Variants in AHI1 observed in about 807,000 individuals in gnomAD.
AHI1 encodes jouberin.
In AHI1, 123 loss-of-function variants were observed where a neutral mutation model predicts 149.3. The observed-to-expected ratio is 0.82, with a 90% CI of 0.71 to 0.96. AHI1 has a LOEUF of 0.96. Ranked by LOEUF, AHI1 falls within the 40% of genes least tolerant of loss-of-function variation. The pLI is 0.00. For missense variants in AHI1, 1,439 were observed against 1,422.7 expected (o/e 1.01, Z -0.18); for synonymous variants, 475 against 459.8 (o/e 1.03, Z -0.42).
At chr6:135,324,328 TA>T (rs1286425112) in intron 24 of AHI1, among the ~76,000 whole-genome samples, 3 of 149,352 alleles carry the variant, frequency 2.0e-5, no homozygotes, top group Admixed American at 6.7e-5. Flanking sequence ...ACCTTGTCTC[TA>T]AAAAAAAAGA....
At chr6:135,307,101 T>TA (rs1301724152) in intron 26 of AHI1, 5 of 152,032 alleles carry the variant, frequency 3.3e-5, no homozygotes, top group African/African-American at 7.3e-5. Context: ...GTAAGAGAGG[T>TA]AAAAAGAGAA....
At chr6:135,339,341 G>C (rs752169979) in intron 24 of AHI1, among the ~76,000 whole-genome samples, 7 of 152,112 alleles carry the variant, frequency 4.6e-5, no homozygotes, top group Non-Finnish European at 7.4e-5. Flanking sequence ...ATAGTTAACA[G>C]AATTGCTTCT....
intron 23 of AHI1, among the ~76,000 whole-genome samples, chr6:135,390,739 A>G (rs1778371287): frequency 6.6e-6 from 1 of 152,230 alleles, no homozygotes; most frequent in Non-Finnish European, 1.5e-5. Flanking sequence ...TTGAGGTCCC[A>G]GAAGCTCTAA....
intron 5 of AHI1, among the ~76,000 whole-genome samples, chr6:135,470,092 T>A (rs1400061003): frequency 4.6e-5 from 7 of 152,058 alleles, no homozygotes; most frequent in African/African-American, 1.7e-4. Flanking sequence ...ATATCCAGAA[T>A]CTATAAGGAA....
rs187524168 is a variant in AHI1, at chr6:135,345,748, A to C, written c.3165+12384T>G. Among the ~76,000 whole-genome samples, 140 of 152,304 alleles carry C rather than the reference A, an allele frequency of 9.2e-4. 1 individual carries two copies. The highest frequency in any genetic ancestry group is 1.6e-3 in the Non-Finnish European group (107 of 68,026). On this transcript the variant is annotated intron_variant, in intron 24 of 28. Transcript: ENST00000265602. Reference sequence around the variant, plus strand: ...ATTAGATAGAGGTGATGGCTGCAAAACTATAAATATATTAAAACCCACTGA... The same window carrying C: ...ATTAGATAGAGGTGATGGCTGCAAACCTATAAATATATTAAAACCCACTGA...
intron 5 of AHI1, among the ~76,000 whole-genome samples, chr6:135,467,849 A>T (rs1004175619): frequency 4.6e-5 from 7 of 152,228 alleles, no homozygotes; most frequent in Admixed American, 2.6e-4. Flanking sequence ...CTTCAGATTA[A>T]CATTTTGGAT....
Position 135,339,963 on chromosome 6 carries a change from T to C in AHI1, c.3166-16639A>G, listed in dbSNP as rs149690691. On this transcript the variant is annotated intron_variant, in intron 24 of 28. Coordinates refer to ENST00000265602, the MANE Select transcript of AHI1 (RefSeq NM_001134831.2). ...TTCTCAATAAGATTAACAGTAGATA[T>C]CTCATAAAAAAATGTGAAGGCCAGA... 5.3e-3 allele frequency among the ~76,000 whole-genome samples: 813 copies of C among 152,212 alleles called. 10 individuals carry two copies. The highest frequency in any genetic ancestry group is 0.017 in the African/African-American group (724 of 41,518).
At chr6:135,295,784 T>G (rs918360286) in intron 27 of AHI1, among the ~76,000 whole-genome samples, 10 of 152,228 alleles carry the variant, frequency 6.6e-5, no homozygotes, top group Non-Finnish European at 1.3e-4. Context: ...GGTATGCTCA[T>G]TACCTTAATT....
rs745496007 is a variant in AHI1, at chr6:135,387,932, T to C, written c.3109+6844A>G. The stretch of plus-strand genomic sequence containing the variant: ...ACTACCTAACAAAACAGTTAGGAAG[T>C]GGTGGGATCCCAGGTCGGCTCAGTT... On this transcript the variant is annotated intron_variant, in intron 23 of 28. Transcript: ENST00000265602. 3.7e-6 allele frequency: 6 copies of C among 1,610,854 alleles called. No individual in the cohort carries two copies. The African/African-American group carries it at 8.0e-5, about 22-fold the overall frequency.
At chr6:135,300,382 C>A in intron 27 of AHI1, 118 bp downstream of exon 27, 16 of 959,798 alleles carry the variant, frequency 1.7e-5, no homozygotes, top group South Asian at 4.7e-5. Context: ...TTAAAATCAA[C>A]TATCTGAAAT....
chr6:135,449,038 C>T (rs547130802), intron 11 of AHI1, among the ~76,000 whole-genome samples: 5 of 152,154 alleles, frequency 3.3e-5, no homozygotes, highest in South Asian at 2.1e-4. Flanking sequence ...TTTAAGCTAA[C>T]TAAATGGAGG....
rs544536633 is a variant in AHI1 at position 135,364,737 on chromosome 6, C to T, written c.3110-6550G>A. Among the ~76,000 whole-genome samples, 1,499 of 152,268 alleles carry T rather than the reference C, an allele frequency of 9.8e-3. 22 individuals are homozygous for T. Among genetic ancestry groups the T allele is most frequent in the African/African-American group, 0.034 (1,397 of 41,548 alleles). Reference sequence around the variant, plus strand: ...AATCCCCGTCTCCACCAAAAAAATACGAAAACCAGTCAGGCGTGGCGGCGC... The same window carrying T: ...AATCCCCGTCTCCACCAAAAAAATATGAAAACCAGTCAGGCGTGGCGGCGC... On this transcript the variant is annotated intron_variant, in intron 23 of 28. Coordinates refer to ENST00000265602, the MANE Select transcript of AHI1 (RefSeq NM_001134831.2).
intron 24 of AHI1, among the ~76,000 whole-genome samples, chr6:135,336,333 A>C (rs1204458751): frequency 1.3e-5 from 2 of 152,034 alleles, no homozygotes; most frequent in African/African-American, 4.8e-5. Flanking sequence ...GTGGTGGCTC[A>C]CACTTGTAAA....
chr6:135,299,501 T>C (rs959086144), intron 27 of AHI1, among the ~76,000 whole-genome samples: 3 of 152,210 alleles, frequency 2.0e-5, no homozygotes, highest in Admixed American at 6.5e-5. Context: ...GAGGGTATGA[T>C]AGCTAAGCTG....
At position 135,283,808 on chromosome 6, in the gene AHI1, T is replaced by G. The variant is rs1781464173; in HGVS notation, c.*1837A>C. 6.6e-6 allele frequency: 1 copy of G among 152,226 alleles called. No individual in the cohort carries two copies. The highest frequency in any genetic ancestry group is 1.5e-5 in the Non-Finnish European group (1 of 68,036). The allele number at this position is 152,226 out of a possible 1,614,324, so 9.4% of individuals were successfully genotyped here. ...GTTTGCTTCAACTGCTATTTTTCTC[T>G]TTAGTAGTTGCAATATAAAAACAAC... On this transcript the variant is annotated 3_prime_UTR_variant, in exon 29 of 29. Transcript: ENST00000265602.
chr6:135,376,921 A>AAAAAAAT (rs1776025303), intron 23 of AHI1, among the ~76,000 whole-genome samples: 2 of 128,690 alleles, frequency 1.6e-5, no homozygotes, highest in African/African-American at 5.7e-5. Flanking sequence ...AAAAAAAAAA[A>AAAAAAAT]GTTGGTCCAG....
intron 24 of AHI1, among the ~76,000 whole-genome samples, chr6:135,339,320 A>G (rs1789930545): frequency 6.6e-6 from 1 of 152,210 alleles, no homozygotes; most frequent in South Asian, 2.1e-4. Flanking sequence ...ATGTCTCCAT[A>G]TGGAGGCAAA....
chr6:135,464,172 TTA>T (rs1790372517), intron 7 of AHI1, among the ~76,000 whole-genome samples: 2 of 152,278 alleles, frequency 1.3e-5, no homozygotes, highest in South Asian at 4.1e-4. Context: ...TCCAATATTT[TTA>T]GTCATATTTC....
rs926240125 is a variant in AHI1 at position 135,315,808 on chromosome 6, G to T, written c.3426+2711C>A. 3.3e-5 allele frequency among the ~76,000 whole-genome samples: 5 copies of T among 152,140 alleles called. No individual in the cohort carries two copies. The South Asian group carries it at 6.2e-4, about 19-fold the overall frequency. On this transcript the variant is annotated intron_variant, in intron 26 of 28. Coordinates refer to ENST00000265602, the MANE Select transcript of AHI1 (RefSeq NM_001134831.2). ...CTCCTTTGCCACTCGCATTAGAAAT[G>T]AACCTTGCTTTTTGTTTTGGAGAAC...
Sources: allele counts gnomAD v4.1 joint callset (sites outside exome capture counted in the v4.1 genomes callset), GRCh38; gene constraint gnomAD v4.1.1; transcripts MANE v1.5; gene names NCBI Gene and HGNC (gene_info 2026-07-23, HGNC 2026-07-21).